The following NCOA2 variants were observed in gnomAD, a reference collection of about 807,000 sequenced individuals.
NCOA2 encodes class E basic helix-loop-helix protein 75.
A neutral mutation model predicts 145.1 loss-of-function variants in NCOA2; 21 were observed. The observed-to-expected ratio is 0.14, with a 90% confidence interval of 0.10 to 0.21. The LOEUF (loss-of-function observed/expected upper bound fraction) is 0.21, where lower values mean the gene tolerates loss of function less well. Among genes scored for constraint, NCOA2 ranks in the 10% least tolerant of loss-of-function variants. The probability of loss-of-function intolerance (pLI) is 1.00; values close to 1 mark genes in which losing one functional copy is unlikely to be tolerated. For synonymous variants in NCOA2, 619 were observed against 637.5 expected, an observed-to-expected ratio of 0.97 and a Z score of 0.44; for missense variants, 1,472 against 1,837.6, an observed-to-expected ratio of 0.80 and a Z score of 3.64.
Position 70,113,208 on chromosome 8 carries a change from T to C in NCOA2, c.*424A>G, listed in dbSNP as rs1211828462. 3 of 242,068 alleles carry C rather than the reference T, an allele frequency of 1.2e-5. No homozygotes were observed. Among genetic ancestry groups the C allele is most frequent in the Non-Finnish European group, 2.4e-5 (3 of 124,654 alleles). The allele number at this position is 242,068 out of a possible 1,614,324, so 15.0% of individuals were successfully genotyped here. A position where few individuals can be genotyped will look rare whatever the true frequency, so the allele number is the denominator to read the frequency against. The stretch of plus-strand genomic sequence containing the variant: ...TTCCCCCAGATAAAATCTTAATCTT[T>C]TGCACTAGACTGTTAGCCAGGGAAA... On this transcript the variant is annotated 3_prime_UTR_variant, in exon 23 of 23. Transcript: ENST00000452400.
chr8:70,138,030 G>C (rs1384705862), intron 15 of NCOA2, 173 bp downstream of exon 15: 3 of 492,392 alleles, frequency 6.1e-6, no homozygotes, highest in African/African-American at 2.0e-5. Flanking sequence ...TCCTTTAAAG[G>C]TATGTCCTAG....
rs549361129 is a variant in NCOA2, at chr8:70,117,414, G to A, written c.4384-3771C>T. 3.8e-4 allele frequency among the ~76,000 whole-genome samples: 58 copies of A among 152,312 alleles called. No individual in the cohort carries two copies. The South Asian group carries it at 0.011, about 29-fold the overall frequency. ...GCCAAAAGATTCATTCCCTTCCCTC[G>A]CTCTGGGAGGTTCCTCCCTCCTGAG... On this transcript the variant is annotated intron_variant, in intron 22 of 22. Coordinates refer to ENST00000452400, the MANE Select transcript of NCOA2 (RefSeq NM_006540.4).
chr8:70,266,107 G>A (rs556693476), intron 2 of NCOA2, among the ~76,000 whole-genome samples: 6 of 152,272 alleles, frequency 3.9e-5, no homozygotes, highest in East Asian at 1.9e-4. Flanking sequence ...CCGAAATCGC[G>A]CTACTGCACT....
intron 1 of NCOA2, among the ~76,000 whole-genome samples, chr8:70,330,183 A>G (rs563482559): frequency 3.3e-5 from 5 of 150,700 alleles, no homozygotes; most frequent in African/African-American, 4.9e-5. Context: ...GAAGATTATA[A>G]AACACTCAAT....
chr8:70,258,968 A>C (rs1262946938), intron 2 of NCOA2, among the ~76,000 whole-genome samples: 1 of 152,192 alleles, frequency 6.6e-6, no homozygotes, highest in Admixed American at 6.5e-5. Context: ...AGCTCTGTCC[A>C]TCAAATATTC....
upstream of NCOA2, among the ~76,000 whole-genome samples, chr8:70,408,525 A>T (rs1814814691): frequency 6.6e-6 from 1 of 152,240 alleles, no homozygotes; most frequent in South Asian, 2.1e-4. Flanking sequence ...TAGACTGGGC[A>T]CAGTGGCACA....
At chr8:70,451,235 A>ATATAGAT in the NCOA2 span, among the ~76,000 whole-genome samples, 2 of 98,644 alleles carry the variant, frequency 2.0e-5, no homozygotes, top group Non-Finnish European at 3.8e-5. Flanking sequence ...AAAAAAAAAA[A>ATATAGAT]AAATATATAT....
chr8:70,204,161 C>A (rs907539759), intron 4 of NCOA2, among the ~76,000 whole-genome samples: 4 of 152,086 alleles, frequency 2.6e-5, no homozygotes, highest in African/African-American at 4.8e-5. Context: ...GCGTGTGCCA[C>A]CATGCCAGGC....
chr8:70,382,332 C>T (rs1755627983), intron 1 of NCOA2, among the ~76,000 whole-genome samples: 2 of 151,886 alleles, frequency 1.3e-5, no homozygotes, highest in African/African-American at 4.8e-5. Context: ...ATCACTTTTC[C>T]CAATAAAGAA....
intron 1 of NCOA2, among the ~76,000 whole-genome samples, chr8:70,330,610 A>C (rs553631010): frequency 2.4e-4 from 36 of 151,922 alleles, no homozygotes; most frequent in African/African-American, 7.5e-4. Context: ...AAAAAAGATG[A>C]ATGTCAATTA....
chr8:70,400,263 G>T (rs182392861), intron 1 of NCOA2, among the ~76,000 whole-genome samples: 1 of 152,056 alleles, frequency 6.6e-6, no homozygotes, highest in African/African-American at 2.4e-5. Context: ...AAAAGTCAAA[G>T]AACTCCTCTG....
At chr8:70,190,966 AG>A (rs1262803326) in intron 4 of NCOA2, among the ~76,000 whole-genome samples, 1 of 152,076 alleles carries the variant, frequency 6.6e-6, no homozygotes. Context: ...TACTTTGGTA[AG>A]GGAGCTAAAA....
At chr8:70,402,247 G>A (rs1015251911) in intron 1 of NCOA2, 1 of 152,340 alleles carries the variant, frequency 6.6e-6, no homozygotes, top group Non-Finnish European at 1.5e-5. Context: ...CGGTGGGAGG[G>A]GAAGGCGTCG....
At chr8:70,227,953 T>C (rs1586176560) in intron 2 of NCOA2, among the ~76,000 whole-genome samples, 1 of 141,980 alleles carries the variant, frequency 7.0e-6, no homozygotes, top group South Asian at 2.2e-4. Flanking sequence ...GAGGTGGAGG[T>C]CGCAGTGAGC....
At chr8:70,180,571 G>T (rs1166968969) in intron 4 of NCOA2, among the ~76,000 whole-genome samples, 1 of 152,114 alleles carries the variant, frequency 6.6e-6, no homozygotes, top group African/African-American at 2.4e-5. Context: ...AAAAGAAAAG[G>T]TGAACAGGGA....
chr8:70,307,854 A>G (rs576192345), intron 1 of NCOA2, among the ~76,000 whole-genome samples: 1 of 152,314 alleles, frequency 6.6e-6, no homozygotes, highest in South Asian at 2.1e-4. Context: ...AGTTTTGTTT[A>G]TATTTAGTTA....
chr8:70,215,157 T>C (rs1819467177), intron 3 of NCOA2, among the ~76,000 whole-genome samples: 1 of 152,178 alleles, frequency 6.6e-6, no homozygotes, highest in Non-Finnish European at 1.5e-5. Flanking sequence ...AGCTTCTGTT[T>C]TTACAGCAAA....
At chr8:70,174,929 TA>T in intron 4 of NCOA2, 70 bp from the exon 5 acceptor site, 1 of 1,402,364 alleles carries the variant, frequency 7.1e-7, no homozygotes, top group Non-Finnish European at 1.0e-6. Context: ...GAAATGTTTT[TA>T]CTGTAATGAT....
At chr8:70,222,555 A>T (rs1820246194) in intron 2 of NCOA2, among the ~76,000 whole-genome samples, 1 of 152,234 alleles carries the variant, frequency 6.6e-6, no homozygotes, top group Non-Finnish European at 1.5e-5. Context: ...AGTAACTAGA[A>T]GACATATTCC....
Sources: allele counts gnomAD v4.1 joint callset (sites outside exome capture counted in the v4.1 genomes callset), GRCh38; gene constraint gnomAD v4.1.1; transcripts MANE v1.5; gene names NCBI Gene and HGNC (gene_info 2026-07-23, HGNC 2026-07-21).